Variants in CPA6 observed in about 807,000 individuals in gnomAD.
The protein encoded by CPA6 is carboxypeptidase A6.
CPA6 carries 58 observed loss-of-function variants against 63.3 expected under a neutral mutation model. The ratio of observed to expected loss-of-function variants is 0.92; its 90% CI spans 0.74 to 1.14. The LOEUF (loss-of-function observed/expected upper bound fraction) is 1.14. CPA6 is among the 50% of genes most tolerant of loss of function. The pLI is 0.00. For synonymous variants in CPA6, 185 were observed against 179.0 expected (o/e 1.03, Z -0.27); for missense variants, 565 against 526.6 (o/e 1.07, Z -0.71).
At chr8:67,482,842 T>C (rs1009726602) in intron 8 of CPA6, among the ~76,000 whole-genome samples, 7 of 152,264 alleles carry the variant, frequency 4.6e-5, no homozygotes, top group Non-Finnish European at 7.3e-5. Context: ...CTTTTAGCTA[T>C]GTCATGTTCT....
At chr8:67,428,298 C>A (rs1809941425) in intron 9 of CPA6, among the ~76,000 whole-genome samples, 167 bp from the exon 10 acceptor site, 2 of 152,142 alleles carry the variant, frequency 1.3e-5, no homozygotes, top group South Asian at 4.1e-4. Flanking sequence ...CATTTTGCAA[C>A]ATGTTTTAGA....
intron 1 of CPA6, among the ~76,000 whole-genome samples, chr8:67,678,452 AAT>A (rs969422617): frequency 1.1e-4 from 16 of 152,306 alleles, no homozygotes; most frequent in Admixed American, 1.0e-3. Context: ...ACCCAATAAA[AAT>A]ATGAGTGAAG....
chr8:67,477,526 A>G (rs1811269690), intron 8 of CPA6, among the ~76,000 whole-genome samples: 1 of 152,190 alleles, frequency 6.6e-6, no homozygotes, highest in Non-Finnish European at 1.5e-5. Flanking sequence ...AACTCATTAA[A>G]TCTTTCAAGA....
chr8:67,462,806 A>G (rs1373006077), intron 8 of CPA6, among the ~76,000 whole-genome samples: 1 of 152,190 alleles, frequency 6.6e-6, no homozygotes, highest in African/African-American at 2.4e-5. Flanking sequence ...GAAAATTAGA[A>G]TCTGTTTCCT....
intron 2 of CPA6, among the ~76,000 whole-genome samples, chr8:67,594,428 C>T (rs1233844301): frequency 1.3e-5 from 2 of 152,258 alleles, no homozygotes; most frequent in East Asian, 3.9e-4. Flanking sequence ...TGAATGTTGG[C>T]CTGCCTTGCT....
intron 2 of CPA6, among the ~76,000 whole-genome samples, chr8:67,563,917 T>G (rs1813274887): frequency 1.3e-5 from 2 of 152,206 alleles, no homozygotes; most frequent in Admixed American, 6.5e-5. Flanking sequence ...GCAAGTCTAT[T>G]CCATATTTTG....
intron 3 of CPA6, 50 bp from the exon 4 acceptor site, chr8:67,511,705 A>G (rs1812046866): frequency 5.6e-6 from 6 of 1,062,494 alleles, no homozygotes; most frequent in Non-Finnish European, 8.8e-6. Flanking sequence ...GATATTGCAA[A>G]AATCAGGCAA....
chr8:67,496,545 A>ATG, intron 6 of CPA6, among the ~76,000 whole-genome samples: 5 of 132,134 alleles, frequency 3.8e-5, no homozygotes, highest in African/African-American at 1.3e-4. Flanking sequence ...ATATATATAT[A>ATG]TATATATATA....
intron 1 of CPA6, among the ~76,000 whole-genome samples, chr8:67,634,153 A>G (rs1046131471): frequency 2.7e-5 from 4 of 148,694 alleles, no homozygotes; most frequent in African/African-American, 1.0e-4. Context: ...CATTTTTTTC[A>G]TTCCTTTCTC....
chr8:67,454,017 T>C (rs1810616085), intron 8 of CPA6, among the ~76,000 whole-genome samples: 1 of 152,256 alleles, frequency 6.6e-6, no homozygotes, highest in Admixed American at 6.5e-5. Context: ...ATCCTGCCAG[T>C]GTTATTTACT....
chr8:67,621,541 A>G (rs559120188), intron 2 of CPA6, among the ~76,000 whole-genome samples: 3 of 152,308 alleles, frequency 2.0e-5, no homozygotes, highest in Admixed American at 2.0e-4. Context: ...CCATGTTCCA[A>G]TCCCATACTG....
intron 1 of CPA6, among the ~76,000 whole-genome samples, chr8:67,703,999 T>C (rs1280031155): frequency 6.6e-6 from 1 of 152,192 alleles, no homozygotes; most frequent in African/African-American, 2.4e-5. Context: ...GGAAATTCTT[T>C]CCTTGCCATT....
intron 8 of CPA6, among the ~76,000 whole-genome samples, chr8:67,470,270 T>G (rs1321934469): frequency 1.3e-5 from 2 of 152,144 alleles, no homozygotes; most frequent in African/African-American, 2.4e-5. Context: ...CCTCATGTGA[T>G]CCACCCACCT....
At position 67,703,531 on chromosome 8, in the gene CPA6, T is replaced by TG. The variant is rs566492253; in HGVS notation, c.116+42482dup. 3.3e-5 allele frequency among the ~76,000 whole-genome samples: 5 copies of TG among 152,342 alleles called. No homozygotes were observed. In the South Asian group the frequency reaches 1.0e-3, roughly 32 times the overall value. On this transcript the variant is annotated intron_variant, in intron 1 of 10. Coordinates refer to ENST00000297770, the MANE Select transcript of CPA6 (RefSeq NM_020361.5). Reference sequence around the variant, plus strand: ...TGTGCACCTGCCAGATCGTCTGCCTTGGGGGCAAGTCTGCTTCTTCTTTGC... The same window carrying TG: ...TGTGCACCTGCCAGATCGTCTGCCTTGGGGGGCAAGTCTGCTTCTTCTTTGC...
chr8:67,542,510 T>C (rs1812727879), intron 2 of CPA6, among the ~76,000 whole-genome samples: 1 of 152,226 alleles, frequency 6.6e-6, no homozygotes, highest in African/African-American at 2.4e-5. Flanking sequence ...TAATTTGTCG[T>C]GAGTCAAATC....
In CPA6 at chr8:67,509,584, T is replaced by G. The variant is rs1336732634; in HGVS notation, c.467A>C (p.His156Pro). Reference sequence around the variant, plus strand: ...AGAGAACATGTGAATGAGGCCTGAGTGAGTTTTATTCAGATGATGCATCCA... The same window carrying G: ...AGAGAACATGTGAATGAGGCCTGAGGGAGTTTTATTCAGATGATGCATCCA... ...QNWMHHLNKT[H>P]SGLIHMFSIG... The change falls in exon 5 of 11, where the codon CAC becomes CCC. Residue 156 changes from histidine (H) to proline (P), a missense_variant. Physicochemically the swap from His to Pro is moderately conservative, Grantham distance 77 (BLOSUM62 -2). Coordinates refer to ENST00000297770, the MANE Select transcript of CPA6 (RefSeq NM_020361.5). 3.1e-6 allele frequency: 5 copies of G among 1,598,120 alleles called. No homozygotes were observed. Among genetic ancestry groups the G allele is most frequent in the Non-Finnish European group, 3.4e-6 (4 of 1,169,052 alleles).
At chr8:67,510,170 A>G (rs1812014442) in intron 4 of CPA6, among the ~76,000 whole-genome samples, 1 of 152,188 alleles carries the variant, frequency 6.6e-6, no homozygotes, top group South Asian at 2.1e-4. Flanking sequence ...ATAGTGATAC[A>G]TTTGCATTGA....
intron 2 of CPA6, among the ~76,000 whole-genome samples, chr8:67,573,038 T>A (rs1813526018): frequency 6.6e-6 from 1 of 152,226 alleles, no homozygotes; most frequent in Non-Finnish European, 1.5e-5. Flanking sequence ...ATTATTTCTT[T>A]AAATGCAAAA....
intron 2 of CPA6, among the ~76,000 whole-genome samples, chr8:67,541,219 G>A (rs971830817): frequency 3.9e-5 from 6 of 152,270 alleles, no homozygotes; most frequent in South Asian, 2.1e-4. Flanking sequence ...GAAGACCATG[G>A]GGAAAGCACA....
Sources: gnomAD v4.1 joint callset for allele counts (sites outside exome capture counted in the v4.1 genomes callset) on GRCh38, gnomAD v4.1.1 for gene constraint, MANE v1.5 for transcripts, NCBI Gene and HGNC (gene_info 2026-07-23, HGNC 2026-07-21) for gene names.